Variants in CAPN11 observed in about 807,000 individuals in gnomAD.
CAPN11 encodes the protein calpain 11.
In CAPN11, 108 loss-of-function variants were observed where a neutral mutation model predicts 105.3. That is an observed-to-expected ratio of 1.03 (90% confidence interval 0.88 to 1.20). CAPN11 has a LOEUF of 1.20. Ranked by LOEUF, CAPN11 falls within the 50% of genes most tolerant of loss-of-function variation. CAPN11 has a pLI of 0.00. For synonymous variants in CAPN11, 329 were observed against 344.5 expected, an observed-to-expected ratio of 0.96 and a Z score of 0.50; for missense variants, 883 against 924.8, an observed-to-expected ratio of 0.95 and a Z score of 0.59.
At chr6:44,168,159 C>A (rs797020051) in intron 2 of CAPN11, among the ~76,000 whole-genome samples, 2 of 152,174 alleles carry the variant, frequency 1.3e-5, no homozygotes, top group Non-Finnish European at 2.9e-5. Context: ...TACCCTTTAG[C>A]CATCAACTTC....
intron 5 of CAPN11, among the ~76,000 whole-genome samples, chr6:44,172,722 C>G (rs1771219853): frequency 6.6e-6 from 1 of 152,134 alleles, no homozygotes; most frequent in Non-Finnish European, 1.5e-5. Flanking sequence ...TAATCTGCCC[C>G]TTTGACTTAG....
intron 7 of CAPN11, among the ~76,000 whole-genome samples, chr6:44,174,801 G>A (rs1443075708): frequency 6.6e-6 from 1 of 152,014 alleles, no homozygotes; most frequent in Non-Finnish European, 1.5e-5. Flanking sequence ...TGTATTTTTA[G>A]TAGAGACGGG....
At chr6:44,181,717 AC>A in intron 19 of CAPN11, among the ~76,000 whole-genome samples, 2 of 28,242 alleles carry the variant, frequency 7.1e-5, no homozygotes, top group Non-Finnish European at 1.4e-4. Context: ...ACACACACAC[AC>A]TCACAGACAC....
intron 5 of CAPN11, 83 bp downstream of exon 5, chr6:44,172,503 T>C: frequency 2.5e-6 from 2 of 795,218 alleles, no homozygotes; most frequent in African/African-American, 1.8e-5. Context: ...CCTTCTTTCC[T>C]TTTGAAAAAT....
intron 7 of CAPN11, among the ~76,000 whole-genome samples, chr6:44,174,373 G>A (rs1021597367): frequency 3.3e-5 from 5 of 151,966 alleles, no homozygotes; most frequent in African/African-American, 1.2e-4. Flanking sequence ...GGGGAATTAT[G>A]CTGAATGAAA....
At chr6:44,183,366 C>T (rs374124665) in intron 21 of CAPN11, 131 bp downstream of exon 21, 8 of 654,444 alleles carry the variant, frequency 1.2e-5, no homozygotes, top group African/African-American at 1.1e-4. Flanking sequence ...GATTCAAAGC[C>T]CAGCTCCGCC....
chr6:44,165,669 C>T (rs547144391), intron 1 of CAPN11, among the ~76,000 whole-genome samples: 1 of 152,218 alleles, frequency 6.6e-6, no homozygotes, highest in Admixed American at 6.5e-5. Context: ...GGGCACAGAG[C>T]TCAGGAAAGC....
rs1561845493 is a variant in CAPN11 at position 44,173,090 on chromosome 6, G to GAGGAGCTT, written c.662+21_662+22insGCTTAGGA. 6.2e-7 allele frequency: 1 copy of GAGGAGCTT among 1,611,782 alleles called. No homozygotes were observed. The highest frequency in any genetic ancestry group is 8.5e-7 in the Non-Finnish European group (1 of 1,178,142). ...GTATGCCAAGTGAGTGCTGGGAGCT[G>GAGGAGCTT]AGGAAGGGGGCTTGCCTTGCCTCTG... is the stretch of plus-strand genomic sequence containing the variant. On this transcript the variant is annotated intron_variant, in intron 6 of 22. Coordinates refer to ENST00000398776, the MANE Select transcript of CAPN11 (RefSeq NM_007058.4).
intron 12 of CAPN11, 68 bp downstream of exon 12, chr6:44,177,488 CTTTCTT>C: frequency 7.1e-7 from 1 of 1,411,176 alleles, no homozygotes. Flanking sequence ...TTCTTTCTTT[CTTTCTT>C]TTTTTTTTTT....
Position 44,172,502 on chromosome 6 carries a change from C to T in CAPN11, c.528+82C>T. The T allele has an allele frequency of 3.7e-6, 3 of 821,398 alleles. 1 individual carries two copies. The South Asian group carries it at 6.0e-5, about 16-fold the overall frequency. 50.9% of individuals were successfully genotyped at this position (821,398 alleles called of 1,614,324 possible). A position where few individuals can be genotyped will look rare whatever the true frequency, so the allele number is the denominator to read the frequency against. On this transcript the variant is annotated intron_variant, in intron 5 of 22. Coordinates refer to ENST00000398776, the MANE Select transcript of CAPN11 (RefSeq NM_007058.4). The stretch of plus-strand genomic sequence containing the variant: ...TATGCTTTGAAGTTTACCTTCTTTC[C>T]TTTTGAAAAATAGCATTTATTAGGG...
rs374006560 is a variant in CAPN11, at chr6:44,183,116, C to T, written c.2018-3C>T. On this transcript the variant is annotated splice_polypyrimidine_tract_variant and splice_region_variant and intron_variant, in intron 20 of 22. Transcript: ENST00000398776. ...CCTCCCCACTTCTCTCTCCCTCTCTCAGGCATCAAGCTGAACAACAAGGTA... is the reference window on the plus strand; with the variant it reads ...CCTCCCCACTTCTCTCTCCCTCTCTTAGGCATCAAGCTGAACAACAAGGTA... 25 of 1,609,484 alleles carry T rather than the reference C, an allele frequency of 1.6e-5. No individual in the cohort carries two copies. The African/African-American group carries it at 3.2e-4, about 21-fold the overall frequency.
chr6:44,176,623 G>A lies in CAPN11; in HGVS notation c.1044G>A (p.Gln348=), dbSNP rs1169047242. 6.2e-7 allele frequency: 1 copy of A among 1,609,412 alleles called. No individual in the cohort carries two copies. The highest frequency in any genetic ancestry group is 8.5e-7 in the Non-Finnish European group (1 of 1,177,154). The part of the protein sequence containing the change: ...WEEVASDIQM[Q]LLHKTEDGEF... ...AGGTGGCCTCAGACATCCAGATGCA[G>A]CTGCTGCACAAGACGGAGGACGGGG... The change falls in exon 10 of 23, where the codon CAG becomes CAA. Residue 348 remains glutamine, a synonymous_variant. Transcript: ENST00000398776.
chr6:44,166,710 C>A (rs1361143767), intron 1 of CAPN11, 48 bp from the exon 2 acceptor site: 1 of 1,430,478 alleles, frequency 7.0e-7, no homozygotes, highest in Non-Finnish European at 9.6e-7. Flanking sequence ...CTCTGTTTAA[C>A]TTTAGACCAC....
intron 10 of CAPN11, 59 bp downstream of exon 10, chr6:44,176,714 C>T: frequency 6.4e-7 from 1 of 1,562,602 alleles, no homozygotes; most frequent in South Asian, 1.2e-5. Flanking sequence ...CCTTCATCTC[C>T]CTGCTCCGCT....
intron 3 of CAPN11, 46 bp from the exon 4 acceptor site, chr6:44,169,860 G>A (rs769525350): frequency 9.2e-6 from 13 of 1,409,946 alleles, no homozygotes; most frequent in Non-Finnish European, 1.1e-5. Context: ...GAAAGGTGGG[G>A]AGGGGGTGTC....
chr6:44,176,193 A>AGGAGGAGAACGTCTCCCTGAAC, intron 8 of CAPN11, 42 bp downstream of exon 8: 1 of 1,593,606 alleles, frequency 6.3e-7, no homozygotes, highest in Non-Finnish European at 8.6e-7. Context: ...GACCCTGAGA[A>AGGAGGAGAACGTCTCCCTGAAC]GGAGGAGAAC....
intron 1 of CAPN11, among the ~76,000 whole-genome samples, chr6:44,164,042 A>C (rs1430964048): frequency 6.6e-6 from 1 of 152,028 alleles, no homozygotes; most frequent in Admixed American, 6.5e-5. Flanking sequence ...CAGGGGTCTC[A>C]CCATGTTCCC....
chr6:44,183,613 TG>T, intron 21 of CAPN11, 91 bp from the exon 22 acceptor site: 1 of 1,162,456 alleles, frequency 8.6e-7, no homozygotes, highest in Non-Finnish European at 1.3e-6. Context: ...CAGGAACACC[TG>T]GTGTCGCCCC....
chr6:44,165,586 C>A (rs982140606), intron 1 of CAPN11, among the ~76,000 whole-genome samples: 3 of 152,066 alleles, frequency 2.0e-5, no homozygotes. Flanking sequence ...TGGGAAGATC[C>A]CCAGCTCACT....
Sources: gnomAD v4.1 joint callset for allele counts (sites outside exome capture counted in the v4.1 genomes callset) on GRCh38, gnomAD v4.1.1 for gene constraint, MANE v1.5 for transcripts, NCBI Gene and HGNC (gene_info 2026-07-23, HGNC 2026-07-21) for gene names.